WWP1: variants seen among roughly 807,000 people sequenced by gnomAD.
WWP1 encodes the protein NEDD4-like E3 ubiquitin-protein ligase WWP1.
WWP1 carries 49 observed loss-of-function variants against 130.6 expected under a neutral mutation model. The observed-to-expected ratio is 0.38, with a 90% CI of 0.30 to 0.48. The LOEUF is 0.48. Among genes scored for constraint, WWP1 ranks in the 20% least tolerant of loss-of-function variants. The pLI is 0.99. For missense variants in WWP1, 809 were observed against 1,100.6 expected (o/e 0.74, Z 3.75); for synonymous variants, 332 against 367.8 (o/e 0.90, Z 1.11).
At chr8:86,395,723 T>C (rs919059984) in intron 5 of WWP1, among the ~76,000 whole-genome samples, 3 of 152,106 alleles carry the variant, frequency 2.0e-5, no homozygotes, top group Admixed American at 6.5e-5. Flanking sequence ...AAAAACAGAG[T>C]ATTTGCAAAA....
At chr8:86,369,481 GA>G (rs1161718895) in intron 2 of WWP1, among the ~76,000 whole-genome samples, 1 of 152,022 alleles carries the variant, frequency 6.6e-6, no homozygotes, top group Non-Finnish European at 1.5e-5. Flanking sequence ...AGAATAAAGA[GA>G]AAAATAGATT....
chr8:86,376,414 C>A (rs1824657207), intron 3 of WWP1, among the ~76,000 whole-genome samples: 1 of 151,702 alleles, frequency 6.6e-6, no homozygotes, highest in African/African-American at 2.4e-5. Context: ...ACTAAAAATA[C>A]AAAAATTAGC....
chr8:86,427,968 A>G lies in WWP1; in HGVS notation c.1332+151A>G, dbSNP rs944383394. 16 of 587,160 alleles carry G rather than the reference A, an allele frequency of 2.7e-5. No individual in the cohort carries two copies. In the Admixed American group the frequency reaches 5.9e-4, roughly 22 times the overall value. The allele number at this position is 587,160 out of a possible 1,614,324, so 36.4% of individuals were successfully genotyped here. ...TGTGTTACAAGATATTTTTTAGTTA[A>G]TCTTTAATAAATAGTGTTTCTGATA... On this transcript the variant is annotated intron_variant, in intron 11 of 24. Transcript: ENST00000517970.
chr8:86,369,969 A>G (rs1824192464), intron 2 of WWP1, among the ~76,000 whole-genome samples: 1 of 152,182 alleles, frequency 6.6e-6, no homozygotes, highest in African/African-American at 2.4e-5. Context: ...AGTCAATAAT[A>G]AAAAACATTT....
chr8:86,366,920 C>G (rs765396284), intron 1 of WWP1, among the ~76,000 whole-genome samples: 18 of 151,922 alleles, frequency 1.2e-4, no homozygotes, highest in Non-Finnish European at 2.4e-4. Flanking sequence ...AAATTAAGTC[C>G]TCTATTTTGT....
chr8:86,436,751 T>C lies in WWP1; in HGVS notation c.1749+1047T>C, dbSNP rs145176277. On this transcript the variant is annotated intron_variant, in intron 16 of 24. Transcript: ENST00000517970. ...GCCCAATGAAGTGGAGAATTTTTCA[T>C]AATGAGACGTCTTATTCCCCCCCTA... 3.0e-3 allele frequency among the ~76,000 whole-genome samples: 463 copies of C among 152,332 alleles called. 8 individuals carry two copies. The highest frequency in any genetic ancestry group is 0.01 in the African/African-American group (434 of 41,582).
intron 22 of WWP1, among the ~76,000 whole-genome samples, chr8:86,460,531 C>T (rs1486641636): frequency 6.6e-6 from 1 of 152,148 alleles, no homozygotes; most frequent in African/African-American, 2.4e-5. Context: ...CACTATTTGG[C>T]AGGAACCCTT....
intron 1 of WWP1, among the ~76,000 whole-genome samples, chr8:86,347,365 A>G (rs1274033662): frequency 6.6e-6 from 1 of 151,602 alleles, no homozygotes; most frequent in Non-Finnish European, 1.5e-5. Flanking sequence ...GTGGCTAGTT[A>G]GTGGCCACAA....
At chr8:86,364,829 AAGAAAG>A (rs57534347) in intron 1 of WWP1, among the ~76,000 whole-genome samples, 19,454 of 120,582 alleles carry the variant, frequency 0.16, 1,337 homozygotes, top group Non-Finnish European at 0.21. Flanking sequence ...GAAAGAAAGA[AAGAAAG>A]AGAGAGAGAG....
chr8:86,460,016 A>G (rs1811672845), intron 22 of WWP1, among the ~76,000 whole-genome samples: 1 of 152,232 alleles, frequency 6.6e-6, no homozygotes, highest in African/African-American at 2.4e-5. Context: ...GCTAAAGTTT[A>G]TTCCCTATTT....
chr8:86,443,546 A>C (rs1440501352), intron 18 of WWP1, among the ~76,000 whole-genome samples: 4 of 152,092 alleles, frequency 2.6e-5, no homozygotes, highest in South Asian at 2.1e-4. Context: ...ATTCAGCAAA[A>C]ATTTATTGAC....
At chr8:86,372,112 C>T (rs1222568343) in intron 2 of WWP1, among the ~76,000 whole-genome samples, 3 of 149,480 alleles carry the variant, frequency 2.0e-5, no homozygotes, top group Admixed American at 6.7e-5. Context: ...CAAGCTCCGC[C>T]TCCCGGGTTC....
rs34231831 is a variant in WWP1 at position 86,362,163 on chromosome 8, C to CATATATATATATAT, written c.-114-6750_-114-6737dup. Reference sequence around the variant, plus strand: ...ATACTAGGCATATATATATACAAGGCATATATATATATATATATATATATA... The same window carrying CATATATATATATAT: ...ATACTAGGCATATATATATACAAGGCATATATATATATATATATATATATATATATATATATATA... On this transcript the variant is annotated intron_variant, in intron 1 of 24. Coordinates refer to ENST00000517970, the MANE Select transcript of WWP1 (RefSeq NM_007013.4). Among the ~76,000 whole-genome samples the CATATATATATATAT allele has an allele frequency of 8.8e-4, 52 of 59,008 alleles. 4 individuals are homozygous for CATATATATATATAT. The highest frequency in any genetic ancestry group is 1.8e-3 in the African/African-American group (18 of 10,142). 38.7% of individuals were successfully genotyped at this position (59,008 alleles called of 152,430 possible).
intron 1 of WWP1, among the ~76,000 whole-genome samples, chr8:86,365,209 T>C (rs1823904093): frequency 6.6e-6 from 1 of 152,186 alleles, no homozygotes; most frequent in African/African-American, 2.4e-5. Context: ...GAATTGGGTA[T>C]TCATACTAAC....
Position 86,466,819 on chromosome 8 carries a change from T to C in WWP1, c.2695T>C (p.Tyr899His), listed in dbSNP as rs1812197197. Residue 899 changes from tyrosine (Y) to histidine (H), a missense_variant, in exon 25 of 25, where the codon TAT becomes CAT. Coordinates refer to ENST00000517970, the MANE Select transcript of WWP1 (RefSeq NM_007013.4). ...TCFNRLDLPPYKSYEQLKEKL... is the reference protein window; with the variant it reads ...TCFNRLDLPPHKSYEQLKEKL... ...TTTTAATCGCTTGGATCTACCACCA[T>C]ATAAGAGTTATGAACAACTAAAGGA... The C allele has an allele frequency of 1.2e-6, 2 of 1,601,516 alleles. No individual in the cohort carries two copies. The highest frequency in any genetic ancestry group is 1.7e-6 in the Non-Finnish European group (2 of 1,176,694).
At chr8:86,381,385 TAAATG>T in intron 4 of WWP1, 115 bp from the exon 5 acceptor site, 1 of 1,229,482 alleles carries the variant, frequency 8.1e-7, no homozygotes, top group South Asian at 1.5e-5. Flanking sequence ...TCTTCTCAAA[TAAATG>T]AAATTCACGG....
intron 3 of WWP1, among the ~76,000 whole-genome samples, chr8:86,375,831 G>A (rs999653911): frequency 6.6e-6 from 1 of 152,140 alleles, no homozygotes; most frequent in Non-Finnish European, 1.5e-5. Context: ...AATTTTGCCA[G>A]GTATTGCCAA....
intron 20 of WWP1, among the ~76,000 whole-genome samples, chr8:86,452,141 G>A (rs891573470): frequency 1.3e-5 from 2 of 151,900 alleles, no homozygotes; most frequent in Non-Finnish European, 1.5e-5. Flanking sequence ...GGTCTGTCAC[G>A]GCAATGCTTG....
intron 21 of WWP1, 88 bp downstream of exon 21, chr8:86,452,767 T>C: frequency 6.6e-7 from 1 of 1,506,048 alleles, no homozygotes; most frequent in Non-Finnish European, 9.0e-7. Flanking sequence ...TTCACACATT[T>C]TAAAATCCTG....
Sources: gnomAD v4.1 joint callset for allele counts (sites outside exome capture counted in the v4.1 genomes callset) on GRCh38, gnomAD v4.1.1 for gene constraint, MANE v1.5 for transcripts, NCBI Gene and HGNC (gene_info 2026-07-23, HGNC 2026-07-21) for gene names.